Variants in RIF1 observed in about 807,000 individuals in gnomAD.
The protein encoded by RIF1 is telomere-associated protein RIF1.
A neutral mutation model predicts 247.1 loss-of-function variants in RIF1; 45 were observed. The observed-to-expected ratio is 0.18, with a 90% CI of 0.14 to 0.23. The LOEUF (loss-of-function observed/expected upper bound fraction) is 0.23. RIF1 is among the 10% of genes least tolerant of loss of function. The pLI, the probability that RIF1 is intolerant of heterozygous loss-of-function variation, is 1.00. For synonymous variants in RIF1, 1,087 were observed against 978.8 expected, an observed-to-expected ratio of 1.11 and a Z score of -2.06; for missense variants, 2,967 against 2,862.5, an observed-to-expected ratio of 1.04 and a Z score of -0.83.
chr2:151,420,411 A>G, intron 7 of RIF1, 32 bp downstream of exon 7: 1 of 1,602,088 alleles, frequency 6.2e-7, no homozygotes, highest in Non-Finnish European at 8.5e-7. Context: ...AATTTTCTGG[A>G]TACTGCATCG....
At chr2:151,524,420 A>T in the RIF1 span, 3 of 1,613,886 alleles carry the variant, frequency 1.9e-6, no homozygotes, top group Admixed American at 1.7e-5. Context: ...CTCCACCTGA[A>T]TCAGAGAAAA....
intron 34 of RIF1, among the ~76,000 whole-genome samples, chr2:151,471,325 TTC>T (rs1458655722): frequency 1.3e-5 from 2 of 152,242 alleles, no homozygotes; most frequent in African/African-American, 4.8e-5. Flanking sequence ...AGGTTGCCTG[TTC>T]ACTCTGATGG....
At chr2:151,425,868 G>A (rs1436535917) in intron 8 of RIF1, among the ~76,000 whole-genome samples, 1 of 151,450 alleles carries the variant, frequency 6.6e-6, no homozygotes, top group African/African-American at 2.4e-5. Context: ...TATTAGAGAA[G>A]GGGTTTTACC....
In RIF1 at chr2:151,481,259, TTC is replaced by T. The variant is rs1299352583; in HGVS notation, c.*6190_*6191del. ...CAGAATGTGGTCTTGATTACTTAATTTCTGTTACCCCTGTGTTTTCCAGAATG... is the reference window on the plus strand; with the variant it reads ...CAGAATGTGGTCTTGATTACTTAATTTGTTACCCCTGTGTTTTCCAGAATG... On this transcript the variant is annotated 3_prime_UTR_variant, in exon 36 of 36. Transcript: ENST00000444746. The T allele has an allele frequency of 3.9e-5, 6 of 152,238 alleles. No homozygotes were observed. The highest frequency in any genetic ancestry group is 8.8e-5 in the Non-Finnish European group (6 of 68,040). The allele number at this position is 152,238 out of a possible 1,614,324, so 9.4% of individuals were successfully genotyped here.
At chr2:151,435,301 A>G (rs1690950147) in intron 10 of RIF1, among the ~76,000 whole-genome samples, 162 bp from the exon 11 acceptor site, 1 of 152,228 alleles carries the variant, frequency 6.6e-6, no homozygotes, top group Non-Finnish European at 1.5e-5. Context: ...TGTAATGTTC[A>G]TATTTTTTCC....
chr2:151,440,597 C>CA (rs1329708717), intron 15 of RIF1, among the ~76,000 whole-genome samples: 1 of 151,974 alleles, frequency 6.6e-6, no homozygotes, highest in East Asian at 1.9e-4. Context: ...ATGGGCATCT[C>CA]AAAATAAGCT....
In RIF1 at chr2:151,464,502, A is replaced by G; in HGVS notation, c.4982A>G (p.Glu1661Gly). Residue 1661 changes from glutamate (E) to glycine (G), a missense_variant, in exon 30 of 36, where the codon GAA becomes GGA. Glu to Gly is a moderately conservative substitution (Grantham distance 98). This residue lies in a region of RIF1 where 2,028 missense variants were observed against 1,825.6 expected (regional missense o/e 1.11). Transcript: ENST00000444746. Reference protein sequence around the residue: ...EEKNETSKYAEYSFTSLPVPE... With the variant: ...EEKNETSKYAGYSFTSLPVPE... ...AAAAATGAAACTAGCAAATATGCAG[A>G]ATATTCCTTTACAAGTCTACCTGTG... 1 of 1,612,682 alleles carries G rather than the reference A, an allele frequency of 6.2e-7. No individual in the cohort carries two copies. Among genetic ancestry groups the G allele is most frequent in the Non-Finnish European group, 8.5e-7 (1 of 1,179,654 alleles).
At chr2:151,472,830 CT>C (rs1447970041) in intron 34 of RIF1, among the ~76,000 whole-genome samples, 1 of 152,058 alleles carries the variant, frequency 6.6e-6, no homozygotes, top group Non-Finnish European at 1.5e-5. Context: ...GTCTAAAAAT[CT>C]CTTTTTTTGT....
At chr2:151,455,419 A>G (rs1314768480) in intron 22 of RIF1, among the ~76,000 whole-genome samples, 1 of 152,318 alleles carries the variant, frequency 6.6e-6, no homozygotes, top group East Asian at 1.9e-4. Context: ...TATGCAAACA[A>G]GCATACCTAT....
chr2:151,410,615 G>T, intron 2 of RIF1, 88 bp downstream of exon 2: 1 of 1,072,036 alleles, frequency 9.3e-7, no homozygotes, highest in Non-Finnish European at 1.4e-6. Context: ...TAGAATGAAT[G>T]TGAGTTCTAG....
intron 34 of RIF1, among the ~76,000 whole-genome samples, chr2:151,470,696 T>A (rs548780301): frequency 6.6e-6 from 1 of 152,182 alleles, no homozygotes; most frequent in East Asian, 1.9e-4. Context: ...AGACCTGGGG[T>A]TTGCCAGCCA....
In RIF1 at chr2:151,465,326, G is replaced by T. The variant is rs549089750; in HGVS notation, c.5806G>T (p.Gly1936Cys). The change falls in exon 30 of 36, where the codon GGT (glycine) becomes TGT (cysteine). Residue 1936 changes from glycine to cysteine, a missense_variant. Physicochemically the swap from Gly to Cys is radical, Grantham distance 159. Coordinates refer to ENST00000444746, the MANE Select transcript of RIF1 (RefSeq NM_018151.5). ...SFHGQERTKT[G>C]ISEEAAIEEN... Reference sequence around the variant, plus strand: ...TCATGGACAAGAGAGAACCAAAACTGGTATTTCTGAAGAAGCAGCAATAGA... The same window carrying T: ...TCATGGACAAGAGAGAACCAAAACTTGTATTTCTGAAGAAGCAGCAATAGA... 13 of 1,613,758 alleles carry T rather than the reference G, an allele frequency of 8.1e-6. No homozygotes were observed. In the East Asian group the frequency reaches 8.9e-5, roughly 11 times the overall value.
chr2:151,419,943 G>C (rs929083742), intron 6 of RIF1, among the ~76,000 whole-genome samples: 3 of 152,078 alleles, frequency 2.0e-5, no homozygotes, highest in Admixed American at 1.3e-4. Flanking sequence ...CAATCCCCCA[G>C]GGATACTGAG....
intron 23 of RIF1, among the ~76,000 whole-genome samples, chr2:151,457,027 C>A (rs186938320): frequency 6.6e-6 from 1 of 152,186 alleles, no homozygotes; most frequent in African/African-American, 2.4e-5. Flanking sequence ...AGCCAACACG[C>A]TTGTCCTGTT....
intron 23 of RIF1, among the ~76,000 whole-genome samples, chr2:151,457,138 C>CT (rs1411751230): frequency 6.7e-6 from 1 of 148,936 alleles, no homozygotes; most frequent in East Asian, 2.0e-4. Context: ...AAGTAATGAA[C>CT]TTTTTTTTGG....
In RIF1 at chr2:151,464,940, T is replaced by G; in HGVS notation, c.5420T>G (p.Ile1807Ser). The change falls in exon 30 of 36, where the codon ATT (isoleucine) becomes AGT (serine). Residue 1807 changes from isoleucine to serine, a missense_variant. Coordinates refer to ENST00000444746, the MANE Select transcript of RIF1 (RefSeq NM_018151.5). Reference sequence around the variant, plus strand: ...GGTCTCAAAGAGGATAATGATACTATTAATGATTCATTAATTGTTTCTGAA... The same window carrying G: ...GGTCTCAAAGAGGATAATGATACTAGTAATGATTCATTAATTGTTTCTGAA... The part of the protein sequence containing the change: ...HLGLKEDNDT[I>S]NDSLIVSETK... 6.4e-7 allele frequency: 1 copy of G among 1,572,380 alleles called. No individual in the cohort carries two copies. Among genetic ancestry groups the G allele is most frequent in the South Asian group, 1.2e-5 (1 of 82,594 alleles).
At chr2:151,523,117 A>AT in the RIF1 span, among the ~76,000 whole-genome samples, 1 of 152,240 alleles carries the variant, frequency 6.6e-6, no homozygotes, top group Non-Finnish European at 1.5e-5. Flanking sequence ...ATTTAAAAAC[A>AT]TTAACTTTTT....
intron 24 of RIF1, among the ~76,000 whole-genome samples, chr2:151,458,476 C>T (rs1024314206): frequency 1.3e-5 from 2 of 151,966 alleles, no homozygotes; most frequent in African/African-American, 2.4e-5. Context: ...TCGTTATCTG[C>T]GTGCCTCAGC....
chr2:151,428,374 A>C (rs2152279450), intron 8 of RIF1, among the ~76,000 whole-genome samples: 1 of 152,216 alleles, frequency 6.6e-6, no homozygotes, highest in African/African-American at 2.4e-5. Context: ...TTTGTTTGAA[A>C]GGTTATTTTT....
Sources: allele counts gnomAD v4.1 joint callset (sites outside exome capture counted in the v4.1 genomes callset), GRCh38; gene constraint gnomAD v4.1.1; regional missense constraint gnomAD v4.1.1; transcripts MANE v1.5; gene names NCBI Gene and HGNC (gene_info 2026-07-23, HGNC 2026-07-21).